Variants in PIGK observed in about 807,000 individuals in gnomAD.
PIGK encodes the protein phosphatidylinositol glycan anchor biosynthesis class K.
A neutral mutation model predicts 50.6 loss-of-function variants in PIGK; 42 were observed. The observed-to-expected ratio is 0.83, with a 90% CI of 0.65 to 1.07. The LOEUF (loss-of-function observed/expected upper bound fraction) is 1.07. Ranked by LOEUF, PIGK falls within the 50% of genes least tolerant of loss-of-function variation. The pLI, the probability that PIGK is intolerant of heterozygous loss-of-function variation, is 0.00. For synonymous variants in PIGK, 151 were observed against 156.0 expected, an observed-to-expected ratio of 0.97 and a Z score of 0.24; for missense variants, 448 against 488.7, an observed-to-expected ratio of 0.92 and a Z score of 0.78.
intron 10 of PIGK, among the ~76,000 whole-genome samples, chr1:77,119,069 T>C (rs918696281): frequency 6.6e-6 from 1 of 152,228 alleles, no homozygotes; most frequent in Non-Finnish European, 1.5e-5. Flanking sequence ...ATTTATCTGA[T>C]TACAGCTGCG....
At chr1:77,141,398 G>A (rs1241672971) in intron 9 of PIGK, among the ~76,000 whole-genome samples, 3 of 152,032 alleles carry the variant, frequency 2.0e-5, no homozygotes, top group Non-Finnish European at 4.4e-5. Flanking sequence ...AACAGAGAAC[G>A]GCTCTTAATA....
chr1:77,206,743 A>G lies in PIGK; in HGVS notation c.148-12T>C. On this transcript the variant is annotated splice_polypyrimidine_tract_variant and intron_variant, in intron 2 of 10. Coordinates refer to ENST00000370812, the MANE Select transcript of PIGK (RefSeq NM_005482.3). Reference sequence around the variant, plus strand: ...CGGGATGTACACACCTGAAGTATTAAAACAAAAACAGAATTTTTATGCATC... The same window carrying G: ...CGGGATGTACACACCTGAAGTATTAGAACAAAAACAGAATTTTTATGCATC... The G allele has an allele frequency of 6.5e-7, 1 of 1,542,728 alleles. No homozygotes were observed.
chr1:77,185,086 G>A (rs982031518), intron 3 of PIGK, among the ~76,000 whole-genome samples: 1 of 152,178 alleles, frequency 6.6e-6, no homozygotes, highest in Admixed American at 6.5e-5. Context: ...CATTGCTTGA[G>A]CAAATTAACA....
intron 10 of PIGK, among the ~76,000 whole-genome samples, chr1:77,107,516 G>A (rs1211034585): frequency 6.6e-5 from 10 of 152,152 alleles, no homozygotes; most frequent in African/African-American, 2.4e-4. Flanking sequence ...CAACTATGTG[G>A]TCAATGTTGG....
At chr1:77,134,973 C>T (rs1654464960) in intron 9 of PIGK, among the ~76,000 whole-genome samples, 1 of 151,812 alleles carries the variant, frequency 6.6e-6, no homozygotes, top group African/African-American at 2.4e-5. Flanking sequence ...ACACTGTGAT[C>T]CGAAAAAAAA....
At chr1:77,163,057 TA>T (rs938858801) in intron 6 of PIGK, among the ~76,000 whole-genome samples, 8 of 152,194 alleles carry the variant, frequency 5.3e-5, no homozygotes, top group African/African-American at 1.4e-4. Flanking sequence ...ACAATAGATG[TA>T]AAATACAGTA....
intron 3 of PIGK, among the ~76,000 whole-genome samples, chr1:77,189,411 A>G (rs946106788): frequency 1.7e-4 from 26 of 152,056 alleles, no homozygotes; most frequent in African/African-American, 6.3e-4. Context: ...AAAGAGATTA[A>G]CATTTGAGTC....
chr1:77,122,336 T>C lies in PIGK; in HGVS notation c.1010A>G (p.Glu337Gly), dbSNP rs766854318. 36 of 1,602,690 alleles carry C rather than the reference T, an allele frequency of 2.2e-5. No homozygotes were observed. In the East Asian group the frequency reaches 7.4e-4, roughly 33 times the overall value. ...ATATTTCAGAGGTTCCATTAGTTTC[T>C]CATCCATCTGGTCTTCCTTATAGCT... ...ESSYKEDQMD[E>G]KLMEPLKYAE... The change falls in exon 10 of 11, where the codon GAG (glutamate) becomes GGG (glycine). Residue 337 changes from glutamate (E) to glycine (G), a missense_variant. Physicochemically the swap from Glu to Gly is moderately conservative, Grantham distance 98. Coordinates refer to ENST00000370812, the MANE Select transcript of PIGK (RefSeq NM_005482.3).
chr1:77,176,479 GTTA>G (rs954480073), intron 3 of PIGK, among the ~76,000 whole-genome samples: 19 of 151,940 alleles, frequency 1.3e-4, no homozygotes, highest in Admixed American at 1.2e-3. Context: ...CATAATTATG[GTTA>G]TTATGTTATT....
intron 9 of PIGK, among the ~76,000 whole-genome samples, chr1:77,146,795 T>A (rs1654779055): frequency 1.4e-5 from 2 of 142,216 alleles, no homozygotes; most frequent in East Asian, 4.0e-4. Context: ...AGACTCTGTC[T>A]AAAAAAAAAA....
At chr1:77,185,443 T>A (rs938609022) in intron 3 of PIGK, among the ~76,000 whole-genome samples, 2 of 152,182 alleles carry the variant, frequency 1.3e-5, no homozygotes, top group African/African-American at 4.8e-5. Flanking sequence ...TCAGGGACCT[T>A]CTACCTCAGT....
At chr1:77,204,050 C>T (rs1240695831) in intron 3 of PIGK, among the ~76,000 whole-genome samples, 1 of 152,056 alleles carries the variant, frequency 6.6e-6, no homozygotes, top group African/African-American at 2.4e-5. Context: ...GGGAGATAAC[C>T]TTGTTATCTC....
At chr1:77,162,345 A>G (rs973167282) in intron 6 of PIGK, among the ~76,000 whole-genome samples, 5 of 152,168 alleles carry the variant, frequency 3.3e-5, no homozygotes, top group Non-Finnish European at 5.9e-5. Flanking sequence ...TTTGTTTTAC[A>G]GAGAAAAGAA....
intron 2 of PIGK, among the ~76,000 whole-genome samples, chr1:77,206,953 G>C (rs1656301748): frequency 6.6e-6 from 1 of 152,172 alleles, no homozygotes; most frequent in Non-Finnish European, 1.5e-5. Flanking sequence ...GATCACTTGG[G>C]TCCAGGAGTT....
intron 3 of PIGK, among the ~76,000 whole-genome samples, chr1:77,185,041 G>A (rs977362701): frequency 3.9e-5 from 6 of 152,096 alleles, no homozygotes; most frequent in African/African-American, 1.2e-4. Flanking sequence ...ACCAAGTGGC[G>A]ACTCCAATTA....
At chr1:77,133,967 G>A (rs564320321) in intron 9 of PIGK, among the ~76,000 whole-genome samples, 3 of 152,298 alleles carry the variant, frequency 2.0e-5, no homozygotes, top group Non-Finnish European at 4.4e-5. Flanking sequence ...CCCTTTATCA[G>A]AGGCCAAGCC....
intron 9 of PIGK, among the ~76,000 whole-genome samples, chr1:77,134,016 T>C (rs1654443941): frequency 6.6e-6 from 1 of 152,212 alleles, no homozygotes; most frequent in Non-Finnish European, 1.5e-5. Flanking sequence ...GTGACTTTTC[T>C]ATGCAACTAA....
At chr1:77,130,342 T>C (rs541530697) in intron 9 of PIGK, among the ~76,000 whole-genome samples, 1 of 139,978 alleles carries the variant, frequency 7.1e-6, no homozygotes, top group East Asian at 2.0e-4. Context: ...TCTGCAATAA[T>C]TCTGATGTTT....
chr1:77,191,584 A>G (rs1179248140), intron 3 of PIGK, among the ~76,000 whole-genome samples: 1 of 152,254 alleles, frequency 6.6e-6, no homozygotes, highest in East Asian at 1.9e-4. Flanking sequence ...CTTTTATGAT[A>G]CATTTCTAGC....
Sources: allele counts gnomAD v4.1 joint callset (sites outside exome capture counted in the v4.1 genomes callset), GRCh38; gene constraint gnomAD v4.1.1; transcripts MANE v1.5; gene names NCBI Gene and HGNC (gene_info 2026-07-23, HGNC 2026-07-21).